Variants in CAST observed in about 807,000 individuals in gnomAD.
CAST encodes the protein MIR583 host.
In CAST, 76 loss-of-function variants were observed where a neutral mutation model predicts 119.6. The observed-to-expected ratio is 0.64, with a 90% CI of 0.53 to 0.77. CAST has a LOEUF of 0.77. CAST is among the 30% of genes least tolerant of loss of function. The pLI is 0.00. For synonymous variants in CAST, 319 were observed against 331.6 expected, an observed-to-expected ratio of 0.96 and a Z score of 0.41; for missense variants, 953 against 946.5, an observed-to-expected ratio of 1.01 and a Z score of -0.09.
At chr5:96,758,049 G>T (rs1766730961) in intron 24 of CAST, among the ~76,000 whole-genome samples, 1 of 152,020 alleles carries the variant, frequency 6.6e-6, no homozygotes, top group Non-Finnish European at 1.5e-5. Flanking sequence ...AATCTGACTT[G>T]GGAACTCAGG....
At chr5:96,352,861 C>G in the CAST span, among the ~76,000 whole-genome samples, 7 of 152,110 alleles carry the variant, frequency 4.6e-5, no homozygotes, top group African/African-American at 1.7e-4. Context: ...GTGGCACTTC[C>G]CCCCTTGCTC....
chr5:96,333,518 G>T, the CAST span, among the ~76,000 whole-genome samples: 2 of 151,890 alleles, frequency 1.3e-5, no homozygotes, highest in East Asian at 1.9e-4. Context: ...TGGTCTTCCC[G>T]ACTGAAACCA....
the CAST span, among the ~76,000 whole-genome samples, chr5:96,385,017 A>G: frequency 1.3e-5 from 2 of 152,232 alleles, no homozygotes; most frequent in African/African-American, 4.8e-5. Context: ...AAAAGAAGAC[A>G]CATTAACATC....
chr5:96,561,934 A>T, intron 1 of CAST, among the ~76,000 whole-genome samples: 1 of 113,280 alleles, frequency 8.8e-6, no homozygotes, highest in Non-Finnish European at 2.1e-5. Flanking sequence ...CTGGGACTAC[A>T]GACGCCCGCT....
chr5:95,966,505 G>A, the CAST span, among the ~76,000 whole-genome samples: 1 of 152,004 alleles, frequency 6.6e-6, no homozygotes, highest in South Asian at 2.1e-4. Context: ...ATCCCATCTG[G>A]GGACATCTAC....
At position 96,648,717 on chromosome 5, in the gene CAST, C is replaced by T. The variant is rs1010849473; in HGVS notation, c.61-26822C>T. ...GGGAGAAGTTTTATTTATATATATG[C>T]GTGTGTGTGTGTGTGTGTGTGTGTG... is the stretch of plus-strand genomic sequence containing the variant. On this transcript the variant is annotated intron_variant, in intron 1 of 11. Coordinates refer to the CAST transcript ENST00000505143. Among the ~76,000 whole-genome samples the T allele has an allele frequency of 3.8e-4, 57 of 148,914 alleles. 1 individual carries two copies. Among genetic ancestry groups the T allele is most frequent in the Admixed American group, 2.3e-3 (35 of 14,946 alleles).
chr5:95,977,423 A>G, the CAST span, among the ~76,000 whole-genome samples: 7 of 152,220 alleles, frequency 4.6e-5, no homozygotes, highest in African/African-American at 1.7e-4. Flanking sequence ...TCACATTGTC[A>G]ATTAAGTTGT....
chr5:96,525,388 AC>A (rs1745581845), upstream of CAST: 1 of 152,088 alleles, frequency 6.6e-6, no homozygotes, highest in Non-Finnish European at 1.5e-5. Flanking sequence ...TCCAAGGGAA[AC>A]CCAAGGTGTT....
the CAST span, chr5:96,110,979 C>T: frequency 6.6e-6 from 1 of 152,156 alleles, no homozygotes; most frequent in Non-Finnish European, 1.5e-5. Context: ...TGGGGATCAA[C>T]AATTCAATTT....
intron 3 of CAST, among the ~76,000 whole-genome samples, chr5:96,709,567 A>G (rs776810505): frequency 1.4e-4 from 21 of 152,324 alleles, no homozygotes; most frequent in Non-Finnish European, 2.6e-4. Flanking sequence ...ATTTTGTTAG[A>G]CCTGAACAAT....
intron 1 of CAST, among the ~76,000 whole-genome samples, chr5:96,639,210 C>A (rs574730575): frequency 6.6e-6 from 1 of 152,266 alleles, no homozygotes; most frequent in East Asian, 1.9e-4. Context: ...ACTACAGGGC[C>A]CCCCATACTG....
At chr5:96,379,359 A>AG in the CAST span, among the ~76,000 whole-genome samples, 1 of 152,204 alleles carries the variant, frequency 6.6e-6, no homozygotes, top group East Asian at 1.9e-4. Flanking sequence ...AATGAGAATG[A>AG]GGGACTTGAA....
At chr5:96,726,940 TCA>T (rs1759363701) in intron 5 of CAST, 81 bp downstream of exon 5, 5 of 954,718 alleles carry the variant, frequency 5.2e-6, no homozygotes, top group African/African-American at 3.2e-5. Context: ...TAACTGCAAT[TCA>T]CAGTCTTCTG....
intron 3 of CAST, among the ~76,000 whole-genome samples, chr5:96,721,360 T>G (rs752873349): frequency 6.6e-6 from 1 of 152,236 alleles, no homozygotes; most frequent in Non-Finnish European, 1.5e-5. Context: ...GTGTTCTGCA[T>G]TAACTGAGGT....
chr5:96,183,000 G>A, the CAST span, among the ~76,000 whole-genome samples: 2 of 151,896 alleles, frequency 1.3e-5, no homozygotes, highest in African/African-American at 4.8e-5. Context: ...TTAGCCGGGC[G>A]TGGTGGCAGG....
upstream of CAST, among the ~76,000 whole-genome samples, chr5:96,524,249 C>T (rs1430331822): frequency 6.6e-6 from 1 of 152,208 alleles, no homozygotes; most frequent in African/African-American, 2.4e-5. Flanking sequence ...CTAATAGACT[C>T]TTGAGTTTTG....
chr5:96,628,620 G>C (rs1016000796), intron 1 of CAST, among the ~76,000 whole-genome samples: 1 of 152,120 alleles, frequency 6.6e-6, no homozygotes, highest in African/African-American at 2.4e-5. Flanking sequence ...CTAGCTATAA[G>C]GTCCTTAAGC....
chr5:96,748,737 T>A lies in CAST; in HGVS notation c.1428+124T>A, dbSNP rs1198724934. The A allele has an allele frequency of 5.4e-6, 3 of 558,678 alleles. No individual in the cohort carries two copies. The East Asian group carries it at 9.1e-5, about 17-fold the overall frequency. 34.6% of individuals were successfully genotyped at this position (558,678 alleles called of 1,614,324 possible). ...GCCCAATATGCCATCGTTTTTTCCA[T>A]GTCATTTTTGTCTTCCTTTTTGGAT... On this transcript the variant is annotated intron_variant, in intron 19 of 31. Coordinates refer to ENST00000675179, the MANE Select transcript of CAST (RefSeq NM_001750.7).
At chr5:96,732,711 C>T (rs1038759279) in intron 9 of CAST, among the ~76,000 whole-genome samples, 2 of 151,970 alleles carry the variant, frequency 1.3e-5, no homozygotes, top group South Asian at 4.2e-4. Flanking sequence ...ATAAATGGTG[C>T]TGGGAAAACT....
Sources: allele counts gnomAD v4.1 joint callset (sites outside exome capture counted in the v4.1 genomes callset), GRCh38; gene constraint gnomAD v4.1.1; transcripts MANE v1.5; gene names NCBI Gene and HGNC (gene_info 2026-07-23, HGNC 2026-07-21).